The following DPP10 variants were observed in gnomAD, a reference collection of about 807,000 sequenced individuals.
DPP10 encodes dipeptidyl peptidase like 10.
A neutral mutation model predicts 120.9 loss-of-function variants in DPP10; 33 were observed. The observed-to-expected ratio is 0.27, with a 90% CI of 0.21 to 0.37. The LOEUF is 0.37. Ranked by LOEUF, DPP10 falls within the 10% of genes least tolerant of loss-of-function variation. DPP10 has a pLI of 1.00. For missense variants in DPP10, 816 were observed against 942.8 expected, an observed-to-expected ratio of 0.87 and a Z score of 1.76; for synonymous variants, 337 against 326.1, an observed-to-expected ratio of 1.03 and a Z score of -0.36.
At chr2:114,797,740 A>G (rs1386655458) in intron 1 of DPP10, among the ~76,000 whole-genome samples, 1 of 152,248 alleles carries the variant, frequency 6.6e-6, no homozygotes, top group African/African-American at 2.4e-5. Flanking sequence ...GGAAGATTCC[A>G]AACAACAGCG....
At chr2:115,368,783 ATTAATT>A (rs144308549) in intron 3 of DPP10, among the ~76,000 whole-genome samples, 15,709 of 151,186 alleles carry the variant, frequency 0.1, 916 homozygotes, top group Non-Finnish European at 0.12. Context: ...TTTAATTGAA[ATTAATT>A]TTAATTTTAA....
chr2:114,611,901 A>G (rs1249152881), intron 1 of DPP10, among the ~76,000 whole-genome samples: 1 of 152,148 alleles, frequency 6.6e-6, no homozygotes, highest in African/African-American at 2.4e-5. Context: ...TTAAAAATTT[A>G]CTCATCTGTA....
At chr2:115,386,014 G>C (rs900818430) in intron 3 of DPP10, among the ~76,000 whole-genome samples, 4 of 152,046 alleles carry the variant, frequency 2.6e-5, no homozygotes, top group South Asian at 2.1e-4. Flanking sequence ...CTGAATATTA[G>C]GATTTATTAA....
At chr2:115,517,283 A>G (rs1039476915) in intron 4 of DPP10, among the ~76,000 whole-genome samples, 5 of 152,212 alleles carry the variant, frequency 3.3e-5, no homozygotes, top group Admixed American at 6.5e-5. Context: ...ACCTTGGAGA[A>G]TTAAAGTGCA....
At chr2:114,555,866 C>A (rs1010783874) in intron 1 of DPP10, among the ~76,000 whole-genome samples, 1 of 151,984 alleles carries the variant, frequency 6.6e-6, no homozygotes, top group Non-Finnish European at 1.5e-5. Flanking sequence ...GGATAAAGCA[C>A]GTCCCAAGAA....
intron 1 of DPP10, among the ~76,000 whole-genome samples, chr2:115,293,268 C>T (rs1244861203): frequency 1.3e-5 from 2 of 152,058 alleles, no homozygotes; most frequent in Non-Finnish European, 1.5e-5. Flanking sequence ...AGTGAGTGAA[C>T]ATGAAATCAG....
intron 1 of DPP10, among the ~76,000 whole-genome samples, chr2:114,509,917 G>A (rs550914437): frequency 3.3e-5 from 5 of 152,138 alleles, no homozygotes; most frequent in Non-Finnish European, 7.4e-5. Flanking sequence ...CATTCATTTT[G>A]TGGAGGAAAC....
intron 1 of DPP10, among the ~76,000 whole-genome samples, chr2:114,639,027 G>A (rs567458515): frequency 6.6e-6 from 1 of 152,012 alleles, no homozygotes; most frequent in South Asian, 2.1e-4. Context: ...ACAATTTAGT[G>A]TAGGAACACA....
At chr2:115,195,636 T>A (rs1351373494) in intron 1 of DPP10, among the ~76,000 whole-genome samples, 1 of 152,242 alleles carries the variant, frequency 6.6e-6, no homozygotes, top group Non-Finnish European at 1.5e-5. Context: ...ATTATTACTT[T>A]TTTTGTAATT....
intron 1 of DPP10, among the ~76,000 whole-genome samples, chr2:115,205,794 G>A (rs142818477): frequency 6.6e-6 from 1 of 152,100 alleles, no homozygotes; most frequent in African/African-American, 2.4e-5. Flanking sequence ...ATCAAATACT[G>A]CGTGTTCTCA....
At chr2:115,355,438 T>A (rs562014754) in intron 3 of DPP10, among the ~76,000 whole-genome samples, 1 of 152,324 alleles carries the variant, frequency 6.6e-6, no homozygotes, top group East Asian at 1.9e-4. Context: ...TTAAGTTCCT[T>A]GTAGATTCTG....
chr2:115,782,157 C>T (rs1682839946), intron 16 of DPP10, among the ~76,000 whole-genome samples, 195 bp from the exon 17 acceptor site: 1 of 151,874 alleles, frequency 6.6e-6, no homozygotes, highest in Non-Finnish European at 1.5e-5. Context: ...CAAATAGTTT[C>T]CTTCTCATAT....
chr2:115,549,816 C>T (rs1205883304), intron 5 of DPP10, among the ~76,000 whole-genome samples: 1 of 152,132 alleles, frequency 6.6e-6, no homozygotes, highest in African/African-American at 2.4e-5. Flanking sequence ...TTGTCTCCCT[C>T]TCTAGTTTTG....
At chr2:115,197,679 CTT>C in intron 1 of DPP10, among the ~76,000 whole-genome samples, 1 of 152,256 alleles carries the variant, frequency 6.6e-6, no homozygotes, top group African/African-American at 2.4e-5. Context: ...TAATAGATGA[CTT>C]TATCTGGGTA....
At chr2:115,040,139 C>T (rs534773820) in intron 1 of DPP10, among the ~76,000 whole-genome samples, 7 of 152,056 alleles carry the variant, frequency 4.6e-5, no homozygotes, top group East Asian at 2.0e-4. Flanking sequence ...TCCAATTAGC[C>T]GTTCAAAGAC....
chr2:115,591,769 A>G (rs1487010162), intron 5 of DPP10, among the ~76,000 whole-genome samples: 4 of 152,144 alleles, frequency 2.6e-5, no homozygotes, highest in African/African-American at 9.7e-5. Flanking sequence ...TCACGATATT[A>G]ATTCTTCCTA....
At chr2:114,815,738 T>C (rs186425770) in intron 1 of DPP10, among the ~76,000 whole-genome samples, 10 of 152,266 alleles carry the variant, frequency 6.6e-5, no homozygotes, top group Non-Finnish European at 8.8e-5. Context: ...AATGGAGTTG[T>C]GTAGGCTGGT....
chr2:115,074,405 C>G (rs1289212682), intron 1 of DPP10, among the ~76,000 whole-genome samples: 1 of 152,032 alleles, frequency 6.6e-6, no homozygotes. Context: ...AGAGGTTATT[C>G]CAAAGATGCT....
intron 5 of DPP10, among the ~76,000 whole-genome samples, chr2:115,655,019 T>C (rs772301561): frequency 9.9e-5 from 15 of 151,778 alleles, no homozygotes; most frequent in Non-Finnish European, 1.9e-4. Flanking sequence ...TCTTTTTGGA[T>C]GCTTTTAAAA....
Sources: gnomAD v4.1 joint callset for allele counts (sites outside exome capture counted in the v4.1 genomes callset) on GRCh38, gnomAD v4.1.1 for gene constraint, MANE v1.5 for transcripts, NCBI Gene and HGNC (gene_info 2026-07-23, HGNC 2026-07-21) for gene names.